Variants in WWOX observed in about 807,000 individuals in gnomAD.
WWOX encodes the protein WW domain-containing oxidoreductase.
WWOX carries 69 observed loss-of-function variants against 46.2 expected under a neutral mutation model. The ratio of observed to expected loss-of-function variants is 1.49; its 90% CI spans 1.23 to 1.82. The LOEUF (loss-of-function observed/expected upper bound fraction) is 1.82. WWOX is among the 40% of genes most tolerant of loss of function. The pLI is 0.00. For missense variants in WWOX, 919 were observed against 542.6 expected (o/e 1.69, Z -6.89); for synonymous variants, 359 against 202.6 (o/e 1.77, Z -6.56).
chr16:78,115,155 G>C lies in WWOX; in HGVS notation c.409+1G>C, dbSNP rs1060502727. The C allele has an allele frequency of 4.3e-6, 7 of 1,614,170 alleles. No homozygotes were observed. Among genetic ancestry groups the C allele is most frequent in the Non-Finnish European group, 5.1e-6 (6 of 1,180,018 alleles). ...GTCACTGGAGCTAATTCAGGAATAG[G>C]TAGGCTCTTCACTTAGTTATTTATC... On this transcript the variant is annotated splice_donor_variant, in intron 4 of 8. Coordinates refer to ENST00000566780, the MANE Select transcript of WWOX (RefSeq NM_016373.4). LOFTEE classifies it high-confidence loss of function.
In WWOX at chr16:78,872,417, A is replaced by G. The variant is rs202041080; in HGVS notation, c.1057-339191A>G. Among the ~76,000 whole-genome samples the G allele has an allele frequency of 2.6e-5, 4 of 152,166 alleles. No homozygotes were observed. The East Asian group carries it at 7.7e-4, about 29-fold the overall frequency. On this transcript the variant is annotated intron_variant, in intron 8 of 8. Coordinates refer to ENST00000566780, the MANE Select transcript of WWOX (RefSeq NM_016373.4). ...TGAAAATAGCCATCTTTTTTTAAAG[A>G]AGGGAGTTAAAGGAAAGAAATGCCA... is the stretch of plus-strand genomic sequence containing the variant.
At chr16:78,999,660 C>T (rs528041167) in intron 8 of WWOX, among the ~76,000 whole-genome samples, 2 of 151,896 alleles carry the variant, frequency 1.3e-5, no homozygotes, top group African/African-American at 4.8e-5. Context: ...ATTGTATGCA[C>T]CAGAGTGATT....
chr16:79,016,790 T>C (rs560783347), intron 8 of WWOX: 1 of 152,350 alleles, frequency 6.6e-6, no homozygotes, highest in South Asian at 2.1e-4. Flanking sequence ...ACCCAGTCCT[T>C]CTTAGAAGAT....
intron 5 of WWOX, among the ~76,000 whole-genome samples, chr16:78,169,083 C>T (rs1435454567): frequency 1.3e-5 from 2 of 152,162 alleles, no homozygotes; most frequent in Non-Finnish European, 2.9e-5. Context: ...GAAAACGGGG[C>T]AGTGGGGCTT....
intron 5 of WWOX, among the ~76,000 whole-genome samples, chr16:78,175,755 T>C (rs2035323267): frequency 6.6e-6 from 1 of 152,222 alleles, no homozygotes; most frequent in African/African-American, 2.4e-5. Context: ...TATGGTAAGA[T>C]ACCAAATGGT....
At chr16:79,117,681 T>C (rs2049544454) in intron 8 of WWOX, among the ~76,000 whole-genome samples, 1 of 152,256 alleles carries the variant, frequency 6.6e-6, no homozygotes, top group Non-Finnish European at 1.5e-5. Flanking sequence ...AGTGGTCTTA[T>C]CTAGATCTTC....
intron 8 of WWOX, among the ~76,000 whole-genome samples, chr16:79,073,150 G>GTTATTATTATTATTATTATTA (rs58438039): frequency 7.0e-6 from 1 of 143,116 alleles, no homozygotes; most frequent in African/African-American, 2.6e-5. Flanking sequence ...GTAGTTATTC[G>GTTATTATTATTATTATTATTA]TTATTATTAT....
chr16:78,281,556 T>A (rs1010195170), intron 5 of WWOX, among the ~76,000 whole-genome samples: 18 of 152,322 alleles, frequency 1.2e-4, no homozygotes, highest in African/African-American at 3.6e-4. Flanking sequence ...AATAAATATT[T>A]TGGGGCCTTG....
intron 8 of WWOX, among the ~76,000 whole-genome samples, chr16:79,031,731 G>C (rs1293554513): frequency 6.9e-6 from 1 of 144,276 alleles, no homozygotes; most frequent in African/African-American, 2.5e-5. Flanking sequence ...TGCTTAATAG[G>C]CTCTCTCTCT....
chr16:78,239,926 C>A (rs1263596679), intron 5 of WWOX, among the ~76,000 whole-genome samples: 1 of 152,102 alleles, frequency 6.6e-6, no homozygotes, highest in East Asian at 1.9e-4. Context: ...TTCTCAAAGT[C>A]CATGGTGACG....
intron 5 of WWOX, among the ~76,000 whole-genome samples, chr16:78,336,425 G>A (rs970972908): frequency 7.0e-6 from 1 of 141,976 alleles, no homozygotes; most frequent in Non-Finnish European, 1.5e-5. Context: ...AGAATCTCTT[G>A]AATCCAGGAG....
rs534647258 is a variant in WWOX at position 78,422,430 on chromosome 16, G to C, written c.606-2440G>C. On this transcript the variant is annotated intron_variant, in intron 6 of 8. Coordinates refer to ENST00000566780, the MANE Select transcript of WWOX (RefSeq NM_016373.4). ...ATGATCATAGCTCATTGCAGCCCTT[G>C]AACTCCTGGGCTCAAGTAATCCTCC... Among the ~76,000 whole-genome samples, 8 of 151,156 alleles carry C rather than the reference G, an allele frequency of 5.3e-5. No individual in the cohort carries two copies. The South Asian group carries it at 1.3e-3, about 24-fold the overall frequency.
At position 78,418,197 on chromosome 16, in the gene WWOX, A is replaced by G. The variant is rs1441152664; in HGVS notation, c.606-6673A>G. ...AACATGGTGAAACCCCGTCTCTACT[A>G]AAAATACAAAAACAAGATTAGTGGG... On this transcript the variant is annotated intron_variant, in intron 6 of 8. Transcript: ENST00000566780. Among the ~76,000 whole-genome samples the G allele has an allele frequency of 2.0e-5, 3 of 152,104 alleles. No homozygotes were observed. The East Asian group carries it at 5.8e-4, about 30-fold the overall frequency.
At chr16:78,427,077 C>T (rs4073036) in intron 7 of WWOX, among the ~76,000 whole-genome samples, 12,869 of 152,220 alleles carry the variant, frequency 0.085, 661 homozygotes, top group East Asian at 0.21. Context: ...TGACTTGGTG[C>T]GTAGGTGGTA....
chr16:78,401,709 C>CT (rs1024453496), intron 6 of WWOX, among the ~76,000 whole-genome samples: 104 of 151,266 alleles, frequency 6.9e-4, no homozygotes, highest in African/African-American at 1.5e-3. Context: ...TTCCTTTTTT[C>CT]TTTTTTTTGA....
At chr16:79,122,835 T>C (rs1332079967) in intron 8 of WWOX, among the ~76,000 whole-genome samples, 1 of 152,142 alleles carries the variant, frequency 6.6e-6, no homozygotes, top group Non-Finnish European at 1.5e-5. Context: ...AAATACATCT[T>C]CATATGCCCA....
chr16:78,845,928 G>T (rs2151174268), intron 8 of WWOX, among the ~76,000 whole-genome samples: 1 of 151,986 alleles, frequency 6.6e-6, no homozygotes, highest in East Asian at 1.9e-4. Flanking sequence ...ATGCCTAATT[G>T]TGCCACCAGT....
chr16:78,691,775 C>G (rs1208669258), intron 8 of WWOX, among the ~76,000 whole-genome samples: 1 of 152,170 alleles, frequency 6.6e-6, no homozygotes, highest in Admixed American at 6.5e-5. Context: ...GAGAGAGTTA[C>G]TATTAGCTCC....
chr16:78,317,331 A>G (rs772185838), intron 5 of WWOX, among the ~76,000 whole-genome samples: 9 of 152,092 alleles, frequency 5.9e-5, no homozygotes, highest in Non-Finnish European at 1.2e-4. Flanking sequence ...CATTTTAGGT[A>G]AAGCAGTGTT....
Sources: allele counts gnomAD v4.1 joint callset (sites outside exome capture counted in the v4.1 genomes callset), GRCh38; gene constraint gnomAD v4.1.1; transcripts MANE v1.5; gene names NCBI Gene and HGNC (gene_info 2026-07-23, HGNC 2026-07-21).